Variants in GPR137C observed in about 807,000 individuals in gnomAD.
GPR137C encodes the protein integral membrane protein GPR137C.
A neutral mutation model predicts 43.4 loss-of-function variants in GPR137C; 27 were observed. The ratio of observed to expected loss-of-function variants is 0.62; its 90% confidence interval spans 0.46 to 0.86. The LOEUF is 0.86. Among genes scored for constraint, GPR137C ranks in the 40% least tolerant of loss-of-function variants. The pLI, the probability that GPR137C is intolerant of heterozygous loss-of-function variation, is 0.00. For synonymous variants in GPR137C, 285 were observed against 226.9 expected (o/e 1.26, Z -2.30); for missense variants, 522 against 534.6 (o/e 0.98, Z 0.23).
chr14:52,614,058 A>C (rs2039069041), intron 3 of GPR137C, among the ~76,000 whole-genome samples: 1 of 151,944 alleles, frequency 6.6e-6, no homozygotes, highest in Non-Finnish European at 1.5e-5. Flanking sequence ...CACTGGGATG[A>C]GATGATACCT....
At chr14:52,577,323 T>C (rs2038572511) in intron 1 of GPR137C, among the ~76,000 whole-genome samples, 1 of 151,022 alleles carries the variant, frequency 6.6e-6, no homozygotes, top group Non-Finnish European at 1.5e-5. Context: ...CCAAAACCTC[T>C]GGGATACAGC....
At chr14:52,625,212 G>A (rs560393487) in intron 3 of GPR137C, among the ~76,000 whole-genome samples, 5 of 151,972 alleles carry the variant, frequency 3.3e-5, no homozygotes, top group Admixed American at 2.0e-4. Context: ...GGCTGGACAC[G>A]GTGGCTCACA....
chr14:52,590,722 C>T (rs2139505311), intron 1 of GPR137C, among the ~76,000 whole-genome samples: 1 of 152,276 alleles, frequency 6.6e-6, no homozygotes, highest in East Asian at 1.9e-4. Context: ...AGCCTAGGAG[C>T]ATAGGCTATA....
intron 3 of GPR137C, among the ~76,000 whole-genome samples, chr14:52,614,151 A>T (rs1012571331): frequency 1.4e-5 from 2 of 145,988 alleles, no homozygotes; most frequent in Admixed American, 6.9e-5. Context: ...ACAGAGTCCC[A>T]CTCTGTCACC....
At chr14:52,576,798 G>A (rs534372399) in intron 1 of GPR137C, among the ~76,000 whole-genome samples, 131 of 152,244 alleles carry the variant, frequency 8.6e-4, no homozygotes, top group Non-Finnish European at 1.7e-3. Context: ...GCCACAAGGC[G>A]AGTCTCAATA....
At chr14:52,578,871 G>T (rs142909279) in intron 1 of GPR137C, among the ~76,000 whole-genome samples, 72 of 152,128 alleles carry the variant, frequency 4.7e-4, no homozygotes, top group Non-Finnish European at 9.1e-4. Flanking sequence ...TTGAACCTAG[G>T]AGGCCGAGTT....
intron 3 of GPR137C, among the ~76,000 whole-genome samples, chr14:52,605,697 CTT>C (rs1207632631): frequency 2.6e-5 from 4 of 152,154 alleles, no homozygotes; most frequent in Non-Finnish European, 5.9e-5. Flanking sequence ...CATATTTAGA[CTT>C]TATCTTGCTG....
intron 3 of GPR137C, among the ~76,000 whole-genome samples, chr14:52,617,417 A>G (rs1188733281): frequency 6.6e-6 from 1 of 152,096 alleles, no homozygotes; most frequent in African/African-American, 2.4e-5. Context: ...GGGGGCTCAC[A>G]CCTGTAATCC....
Position 52,634,401 on chromosome 14 carries a change from T to C in GPR137C, c.1112+455T>C, listed in dbSNP as rs146038341. On this transcript the variant is annotated intron_variant, in intron 6 of 6. Transcript: ENST00000321662. Reference sequence around the variant, plus strand: ...TTTCAAGTCCGTAACTAGTACACTATTGACTGTGATTCGGGCAAAGAGGAA... The same window carrying C: ...TTTCAAGTCCGTAACTAGTACACTACTGACTGTGATTCGGGCAAAGAGGAA... Among the ~76,000 whole-genome samples the C allele has an allele frequency of 3.6e-3, 547 of 152,212 alleles. 2 individuals carry two copies. The highest frequency in any genetic ancestry group is 0.013 in the African/African-American group (533 of 41,538).
Position 52,553,391 on chromosome 14 carries a change from C to T in GPR137C, c.244C>T (p.Gln82Ter). 1 of 1,607,190 alleles carries T rather than the reference C, an allele frequency of 6.2e-7. No individual in the cohort carries two copies. Among genetic ancestry groups the T allele is most frequent in the Non-Finnish European group, 8.5e-7 (1 of 1,179,638 alleles). The change falls in exon 1 of 7, where the codon CAG becomes TAG. Residue 82 changes from glutamine to a stop codon, truncating the protein, a stop_gained. Coordinates refer to ENST00000321662, the MANE Select transcript of GPR137C (RefSeq NM_001099652.2). LOFTEE classifies it high-confidence loss of function. ...GTACCGCGAGCGGCGGCTGAGTTAC[C>T]AGAGCCTCTGCCTCTTCCTCTGTCT... is the stretch of plus-strand genomic sequence containing the variant. Reference protein sequence around the residue: ...LLYRERRLSYQSLCLFLCLLW... With the variant: ...LLYRERRLSY
chr14:52,626,278 G>A (rs2039226535), intron 3 of GPR137C, among the ~76,000 whole-genome samples: 1 of 152,082 alleles, frequency 6.6e-6, no homozygotes, highest in South Asian at 2.1e-4. Context: ...CTAATACTTA[G>A]AGATAAAATC....
At position 52,634,967 on chromosome 14, in the gene GPR137C, A is replaced by G. The variant is rs2039336412; in HGVS notation, c.1142A>G (p.Tyr381Cys). 3.1e-6 allele frequency: 5 copies of G among 1,612,458 alleles called. No individual in the cohort carries two copies. The highest frequency in any genetic ancestry group is 4.2e-6 in the Non-Finnish European group (5 of 1,179,310). ...CCAAATTCGCAAAGTTTGGGCTGGT[A>G]TGGCACCATGACTGGGTGTGGCAGC... Reference protein sequence around the residue: ...SLPNSQSLGWYGTMTGCGSSS... With the variant: ...SLPNSQSLGWCGTMTGCGSSS... Residue 381 changes from tyrosine to cysteine, a missense_variant, in exon 7 of 7, where the codon TAT (tyrosine) becomes TGT (cysteine). Physicochemically the swap from Tyr to Cys is radical, Grantham distance 194 (BLOSUM62 -2). Transcript: ENST00000321662.
Position 52,577,799 on chromosome 14 carries a change from C to CAA in GPR137C, c.445-20456_445-20455dup, listed in dbSNP as rs564080315. Among the ~76,000 whole-genome samples, 745 of 104,206 alleles carry CAA rather than the reference C, an allele frequency of 7.1e-3. 8 individuals carry two copies. The highest frequency in any genetic ancestry group is 0.016 in the Middle Eastern group (3 of 182). The allele number at this position is 104,206 out of a possible 152,430, so 68.4% of individuals were successfully genotyped here. A position where few individuals can be genotyped will look rare whatever the true frequency, so the allele number is the denominator to read the frequency against. On this transcript the variant is annotated intron_variant, in intron 1 of 6. Transcript: ENST00000321662. ...GCAACATAGCAAAACACCATCTCTACAAAAAAAAAAAAAAAAAATTAGCTG... is the reference window on the plus strand; with the variant it reads ...GCAACATAGCAAAACACCATCTCTACAAAAAAAAAAAAAAAAAAAATTAGCTG...
chr14:52,612,346 T>G (rs2039047560), intron 3 of GPR137C: 1 of 909,630 alleles, frequency 1.1e-6, no homozygotes, highest in Non-Finnish European at 1.3e-6. Flanking sequence ...TAACATTTCA[T>G]CATATACCAA....
intron 3 of GPR137C, among the ~76,000 whole-genome samples, chr14:52,627,556 T>C (rs1174196876): frequency 1.3e-5 from 2 of 151,522 alleles, no homozygotes; most frequent in East Asian, 4.0e-4. Context: ...ATATTTAAAG[T>C]GTGCTGTCTG....
chr14:52,632,134 A>C, intron 3 of GPR137C, 26 bp from the exon 4 acceptor site: 1 of 1,562,054 alleles, frequency 6.4e-7, no homozygotes, highest in Non-Finnish European at 8.8e-7. Context: ...TAGAATACTA[A>C]AGATGATGAT....
At chr14:52,569,965 G>A (rs1045048383) in intron 1 of GPR137C, among the ~76,000 whole-genome samples, 1 of 152,024 alleles carries the variant, frequency 6.6e-6, no homozygotes, top group Non-Finnish European at 1.5e-5. Flanking sequence ...TAGCAAGACA[G>A]CCAACATTCA....
intron 1 of GPR137C, among the ~76,000 whole-genome samples, chr14:52,567,171 G>A (rs764772842): frequency 4.6e-5 from 7 of 152,092 alleles, no homozygotes; most frequent in Non-Finnish European, 1.0e-4. Flanking sequence ...CTTGGGCACT[G>A]GAGTCCCATT....
intron 3 of GPR137C, among the ~76,000 whole-genome samples, chr14:52,621,034 CATAAATT>C (rs2039154748): frequency 6.6e-6 from 1 of 151,580 alleles, no homozygotes; most frequent in South Asian, 2.1e-4. Context: ...TGGTGAAAGA[CATAAATT>C]ATAAATTTAT....
Sources: allele counts gnomAD v4.1 joint callset (sites outside exome capture counted in the v4.1 genomes callset), GRCh38; gene constraint gnomAD v4.1.1; transcripts MANE v1.5; gene names NCBI Gene and HGNC (gene_info 2026-07-23, HGNC 2026-07-21).